FAM13A: variants seen among roughly 807,000 people sequenced by gnomAD.
FAM13A encodes family with sequence similarity 13 member A, also known as protein FAM13A.
FAM13A carries 76 observed loss-of-function variants against 129.6 expected under a neutral mutation model. The observed-to-expected ratio is 0.59, with a 90% CI of 0.49 to 0.71. FAM13A has a LOEUF of 0.71. Ranked by LOEUF, FAM13A falls within the 30% of genes least tolerant of loss-of-function variation. The pLI, the probability that FAM13A is intolerant of heterozygous loss-of-function variation, is 0.00. For missense variants in FAM13A, 1,108 were observed against 1,249.3 expected (o/e 0.89, Z 1.70); for synonymous variants, 443 against 449.9 (o/e 0.98, Z 0.20).
intron 3 of FAM13A, among the ~76,000 whole-genome samples, chr4:88,993,595 T>C (rs973888846): frequency 2.0e-5 from 3 of 152,216 alleles, no homozygotes; most frequent in African/African-American, 7.2e-5. Context: ...TTTTCATCAT[T>C]TTCCAATTTC....
At chr4:88,858,158 C>T (rs550615975) in intron 6 of FAM13A, among the ~76,000 whole-genome samples, 1 of 152,130 alleles carries the variant, frequency 6.6e-6, no homozygotes, top group Non-Finnish European at 1.5e-5. Flanking sequence ...CATGGTAGAG[C>T]CCCATGTCCT....
intron 3 of FAM13A, among the ~76,000 whole-genome samples, chr4:89,009,453 T>G (rs1055610898): frequency 3.9e-5 from 6 of 152,182 alleles, no homozygotes; most frequent in African/African-American, 1.4e-4. Context: ...GTATGTGCTA[T>G]GAGCTATGCA....
chr4:88,837,883 T>C (rs1390629355), intron 7 of FAM13A, among the ~76,000 whole-genome samples: 1 of 152,162 alleles, frequency 6.6e-6, no homozygotes, highest in Non-Finnish European at 1.5e-5. Flanking sequence ...CAGTAACATT[T>C]AAGAATATAG....
Position 88,807,657 on chromosome 4 carries a change from G to C in FAM13A, c.1008-2605C>G, listed in dbSNP as rs561522602. ...TCCAGCAGCCACAACAAGATCTCGT[G>C]GACTTGATAAGCTCCTTGTCATGCT... is the stretch of plus-strand genomic sequence containing the variant. On this transcript the variant is annotated intron_variant, in intron 7 of 23. Transcript: ENST00000264344. Among the ~76,000 whole-genome samples, 5 of 152,238 alleles carry C rather than the reference G, an allele frequency of 3.3e-5. No individual in the cohort carries two copies. In the East Asian group the frequency reaches 9.6e-4, roughly 29 times the overall value.
chr4:88,999,061 T>C (rs190425195), intron 3 of FAM13A, among the ~76,000 whole-genome samples: 163 of 152,320 alleles, frequency 1.1e-3, no homozygotes, highest in Non-Finnish European at 1.7e-3. Context: ...TGCAGAGGTA[T>C]GTTTATTGCC....
At chr4:88,789,808 G>A (rs1314033142) in intron 9 of FAM13A, among the ~76,000 whole-genome samples, 1 of 152,120 alleles carries the variant, frequency 6.6e-6, no homozygotes, top group Non-Finnish European at 1.5e-5. Flanking sequence ...ACACTTGAAC[G>A]AGGAGTGAAT....
At chr4:88,741,001 G>A (rs1195222350) in intron 19 of FAM13A, among the ~76,000 whole-genome samples, 1 of 152,188 alleles carries the variant, frequency 6.6e-6, no homozygotes, top group African/African-American at 2.4e-5. Flanking sequence ...ACCTACCACA[G>A]AGCTGAAATG....
intron 11 of FAM13A, among the ~76,000 whole-genome samples, chr4:88,772,913 C>T (rs1024426735): frequency 3.9e-5 from 6 of 152,044 alleles, no homozygotes; most frequent in Non-Finnish European, 5.9e-5. Context: ...GAAAGGAATC[C>T]TAGATGTGTG....
intron 7 of FAM13A, among the ~76,000 whole-genome samples, chr4:88,805,313 T>C (rs1728335608): frequency 6.6e-6 from 1 of 152,220 alleles, no homozygotes; most frequent in African/African-American, 2.4e-5. Flanking sequence ...GGAAGCTTTT[T>C]ACTGCCTTAT....
chr4:88,797,304 C>T (rs1326893153), intron 8 of FAM13A, among the ~76,000 whole-genome samples: 5 of 150,320 alleles, frequency 3.3e-5, no homozygotes, highest in East Asian at 3.9e-4. Context: ...TGTCTTGCTC[C>T]GTCACCCAGG....
At chr4:88,738,399 G>C (rs1739450481) in intron 20 of FAM13A, among the ~76,000 whole-genome samples, 1 of 152,188 alleles carries the variant, frequency 6.6e-6, no homozygotes, top group African/African-American at 2.4e-5. Context: ...GATGGGAGCA[G>C]GTGGCTGGGC....
At chr4:89,040,737 T>C (rs537975001) in intron 1 of FAM13A, among the ~76,000 whole-genome samples, 53 of 152,312 alleles carry the variant, frequency 3.5e-4, no homozygotes, top group African/African-American at 1.2e-3. Flanking sequence ...TGATTAATAT[T>C]GAGTGTCAAC....
intron 1 of FAM13A, among the ~76,000 whole-genome samples, chr4:89,033,837 C>A (rs993884715): frequency 2.6e-5 from 4 of 152,232 alleles, no homozygotes; most frequent in African/African-American, 9.6e-5. Context: ...GGGAAAGGGT[C>A]CCCATTCAAT....
chr4:88,776,488 A>G (rs535039762), intron 11 of FAM13A, among the ~76,000 whole-genome samples: 18 of 152,268 alleles, frequency 1.2e-4, no homozygotes, highest in Non-Finnish European at 2.2e-4. Context: ...CTTGTCAAAT[A>G]TTTTCTATTT....
chr4:88,919,472 T>A (rs1750648898), intron 5 of FAM13A, among the ~76,000 whole-genome samples: 1 of 152,240 alleles, frequency 6.6e-6, no homozygotes, highest in Non-Finnish European at 1.5e-5. Flanking sequence ...ATTTAATGGA[T>A]GTTTTGAGTA....
intron 5 of FAM13A, among the ~76,000 whole-genome samples, chr4:88,907,167 G>A (rs560431155): frequency 6.6e-6 from 1 of 152,182 alleles, no homozygotes; most frequent in African/African-American, 2.4e-5. Flanking sequence ...CCTCACTTCC[G>A]AATAGCCATT....
At chr4:88,807,020 T>A (rs978695625) in intron 7 of FAM13A, among the ~76,000 whole-genome samples, 6 of 152,152 alleles carry the variant, frequency 3.9e-5, no homozygotes, top group African/African-American at 1.4e-4. Flanking sequence ...AAACCTATAA[T>A]GATTTTGTTA....
Position 88,747,643 on chromosome 4 carries a change from A to G in FAM13A, c.2370T>C (p.Pro790=). ...AGAATGATCGCACCTTAATGTCCTC[A>G]GGGCGGCTGCTTTCCGCTCGCTTCT... is the stretch of plus-strand genomic sequence containing the variant. ...LQEKRAESSR[P]EDIKDMTKDQ... is the part of the protein sequence containing the mutation. Residue 790 remains proline, a synonymous_variant, in exon 18 of 24, where the codon CCT becomes CCC. Coordinates refer to ENST00000264344, the MANE Select transcript of FAM13A (RefSeq NM_014883.4). 6.2e-7 allele frequency: 1 copy of G among 1,614,050 alleles called. No homozygotes were observed. The highest frequency in any genetic ancestry group is 1.3e-5 in the African/African-American group (1 of 75,060).
At chr4:88,813,176 CCA>C (rs1228033105) in intron 7 of FAM13A, among the ~76,000 whole-genome samples, 2 of 152,058 alleles carry the variant, frequency 1.3e-5, no homozygotes, top group African/African-American at 2.4e-5. Flanking sequence ...TATGGCCTTG[CCA>C]CACACTATAT....
Sources: allele counts gnomAD v4.1 joint callset (sites outside exome capture counted in the v4.1 genomes callset), GRCh38; gene constraint gnomAD v4.1.1; transcripts MANE v1.5; gene names NCBI Gene and HGNC (gene_info 2026-07-23, HGNC 2026-07-21).